The following ATRN variants were observed in gnomAD, a reference collection of about 807,000 sequenced individuals.
ATRN encodes the protein attractin-2.
ATRN carries 54 observed loss-of-function variants against 178.7 expected under a neutral mutation model. The observed-to-expected ratio is 0.30, with a 90% confidence interval of 0.24 to 0.38. The LOEUF is 0.38. Among genes scored for constraint, ATRN ranks in the 10% least tolerant of loss-of-function variants. The pLI, the probability that ATRN is intolerant of heterozygous loss-of-function variation, is 1.00. For missense variants in ATRN, 1,443 were observed against 1,815.1 expected (o/e 0.79, Z 3.73); for synonymous variants, 636 against 663.0 (o/e 0.96, Z 0.63).
At chr20:3,567,264 A>T (rs532140424) in intron 11 of ATRN, among the ~76,000 whole-genome samples, 2 of 152,308 alleles carry the variant, frequency 1.3e-5, no homozygotes, top group South Asian at 4.1e-4. Context: ...CCTGGCCTCA[A>T]CTGTCTTCGT....
At chr20:3,621,577 CAG>C (rs1188524412) in intron 24 of ATRN, among the ~76,000 whole-genome samples, 2 of 152,146 alleles carry the variant, frequency 1.3e-5, no homozygotes, top group African/African-American at 4.8e-5. Context: ...TGTTTGGAAA[CAG>C]AGAAGAATGA....
At chr20:3,574,395 A>G (rs2086174468) in intron 12 of ATRN, among the ~76,000 whole-genome samples, 1 of 152,182 alleles carries the variant, frequency 6.6e-6, no homozygotes. Context: ...GTGCACGCCT[A>G]TAGTCCCAGC....
At chr20:3,553,777 T>C (rs958086804) in intron 6 of ATRN, among the ~76,000 whole-genome samples, 2 of 152,214 alleles carry the variant, frequency 1.3e-5, no homozygotes, top group African/African-American at 2.4e-5. Context: ...AGGGCTGGTG[T>C]CTTCTCACCC....
intron 18 of ATRN, among the ~76,000 whole-genome samples, chr20:3,585,342 A>C (rs1397373803): frequency 6.6e-6 from 1 of 152,246 alleles, no homozygotes; most frequent in African/African-American, 2.4e-5. Context: ...GTAACAACTG[A>C]TGATCATCCA....
At chr20:3,601,867 T>TA (rs77232797) in intron 23 of ATRN, among the ~76,000 whole-genome samples, 5,694 of 117,616 alleles carry the variant, frequency 0.048, 140 homozygotes, top group Non-Finnish European at 0.063. Context: ...CCCATCTCTT[T>TA]AAAAAAAAAA....
chr20:3,479,682 A>G (rs1194844650), intron 1 of ATRN, among the ~76,000 whole-genome samples: 4 of 152,240 alleles, frequency 2.6e-5, no homozygotes, highest in Admixed American at 2.6e-4. Context: ...GGGGACTAGA[A>G]GCCTGCAATC....
intron 1 of ATRN, among the ~76,000 whole-genome samples, chr20:3,472,789 T>C (rs769510513): frequency 1.2e-4 from 19 of 152,124 alleles, no homozygotes; most frequent in Non-Finnish European, 2.4e-4. Flanking sequence ...CATGTAAGGT[T>C]AAGTAGGATT....
intron 20 of ATRN, among the ~76,000 whole-genome samples, 186 bp downstream of exon 20, chr20:3,594,758 C>G (rs2086500455): frequency 6.6e-6 from 1 of 152,148 alleles, no homozygotes; most frequent in African/African-American, 2.4e-5. Context: ...ATGAGGAGGT[C>G]GTCGAGTTAG....
chr20:3,500,922 T>C (rs1363839759), intron 1 of ATRN, among the ~76,000 whole-genome samples: 1 of 152,042 alleles, frequency 6.6e-6, no homozygotes, highest in Non-Finnish European at 1.5e-5. Flanking sequence ...AAGTTATATA[T>C]AACTAAACGT....
chr20:3,572,668 A>AG, intron 11 of ATRN, 63 bp from the exon 12 acceptor site: 1 of 1,289,558 alleles, frequency 7.8e-7, no homozygotes, highest in Non-Finnish European at 1.1e-6. Context: ...AAAAAAAAAA[A>AG]GTATAGCATC....
chr20:3,636,825 C>T (rs2087028629), intron 26 of ATRN, among the ~76,000 whole-genome samples: 1 of 152,162 alleles, frequency 6.6e-6, no homozygotes, highest in South Asian at 2.1e-4. Context: ...TGTAATCCTA[C>T]AGTCATTCAG....
At chr20:3,535,706 A>G (rs1397387576) in intron 2 of ATRN, among the ~76,000 whole-genome samples, 2 of 151,694 alleles carry the variant, frequency 1.3e-5, no homozygotes, top group African/African-American at 4.8e-5. Context: ...ATCTCCGCTC[A>G]CTGCAACCTC....
chr20:3,480,214 C>T lies in ATRN; in HGVS notation c.410+8697C>T, dbSNP rs79005154. On this transcript the variant is annotated intron_variant, in intron 1 of 28. Coordinates refer to ENST00000262919, the MANE Select transcript of ATRN (RefSeq NM_139321.3). ...GCCCTCAGGGCATTCCAGTTTCTGGCCGTGCTGATTGTTTTGAAATGGGTT... is the reference window on the plus strand; with the variant it reads ...GCCCTCAGGGCATTCCAGTTTCTGGTCGTGCTGATTGTTTTGAAATGGGTT... Among the ~76,000 whole-genome samples the T allele has an allele frequency of 2.5e-3, 376 of 152,268 alleles. 1 individual carries two copies. The highest frequency in any genetic ancestry group is 8.7e-3 in the African/African-American group (362 of 41,558).
At chr20:3,474,938 A>G (rs2084500829) in intron 1 of ATRN, among the ~76,000 whole-genome samples, 1 of 150,248 alleles carries the variant, frequency 6.7e-6, no homozygotes, top group Admixed American at 6.7e-5. Context: ...AGGCTGAGGC[A>G]GGAGAATTGC....
intron 3 of ATRN, among the ~76,000 whole-genome samples, chr20:3,543,188 G>A (rs562629833): frequency 4.6e-5 from 7 of 152,154 alleles, no homozygotes; most frequent in South Asian, 4.2e-4. Context: ...CTGGCATTAC[G>A]TATACACACA....
chr20:3,477,715 A>T (rs1249490448), intron 1 of ATRN, among the ~76,000 whole-genome samples: 1 of 151,940 alleles, frequency 6.6e-6, no homozygotes, highest in Non-Finnish European at 1.5e-5. Context: ...TGTAAGTTCC[A>T]TGAGGGCAGG....
At chr20:3,562,143 A>T in intron 8 of ATRN, 133 bp from the exon 9 acceptor site, 1 of 764,016 alleles carries the variant, frequency 1.3e-6, no homozygotes, top group Non-Finnish European at 2.1e-6. Context: ...GGCTTTCTTT[A>T]AAATATAAAG....
At chr20:3,577,234 G>A (rs1292679099) in intron 14 of ATRN, among the ~76,000 whole-genome samples, 1 of 152,198 alleles carries the variant, frequency 6.6e-6, no homozygotes, top group East Asian at 1.9e-4. Context: ...AGAATTGAGT[G>A]ACAGCTTGGT....
intron 1 of ATRN, 58 bp downstream of exon 1, chr20:3,471,575 G>A (rs1313671040): frequency 1.5e-6 from 2 of 1,362,276 alleles, no homozygotes; most frequent in Non-Finnish European, 1.9e-6. Flanking sequence ...GCTGAGGGGC[G>A]TTCGAGACGG....
Sources: allele counts gnomAD v4.1 joint callset (sites outside exome capture counted in the v4.1 genomes callset), GRCh38; gene constraint gnomAD v4.1.1; transcripts MANE v1.5; gene names NCBI Gene and HGNC (gene_info 2026-07-23, HGNC 2026-07-21).